STXBP5: variants seen among roughly 807,000 people sequenced by gnomAD.
The protein encoded by STXBP5 is syntaxin-binding protein 5.
Under a neutral mutation model 152.4 loss-of-function variants are expected in STXBP5, and 50 were observed. The ratio of observed to expected loss-of-function variants is 0.33; its 90% confidence interval spans 0.26 to 0.42. STXBP5 has a LOEUF of 0.42. Ranked by LOEUF, STXBP5 falls within the 10% of genes least tolerant of loss-of-function variation. STXBP5 has a pLI of 1.00. For synonymous variants in STXBP5, 492 were observed against 494.7 expected (o/e 0.99, Z 0.07); for missense variants, 1,167 against 1,388.6 (o/e 0.84, Z 2.54).
At chr6:147,306,388 G>A (rs1359074286) in intron 9 of STXBP5, among the ~76,000 whole-genome samples, 1 of 152,228 alleles carries the variant, frequency 6.6e-6, no homozygotes, top group Non-Finnish European at 1.5e-5. Context: ...GGGTGGCTGG[G>A]CTGGGAAAGG....
At chr6:147,210,341 C>G (rs1776783659) in intron 2 of STXBP5, among the ~76,000 whole-genome samples, 1 of 152,100 alleles carries the variant, frequency 6.6e-6, no homozygotes, top group African/African-American at 2.4e-5. Flanking sequence ...GGGAGAGTAG[C>G]CTAGACTTCT....
At chr6:147,246,645 G>T (rs1778822377) in intron 4 of STXBP5, among the ~76,000 whole-genome samples, 1 of 151,956 alleles carries the variant, frequency 6.6e-6, no homozygotes, top group Admixed American at 6.6e-5. Context: ...GTTTCTATAT[G>T]ACTTTTATTA....
chr6:147,242,680 G>C (rs1778609225), intron 4 of STXBP5, among the ~76,000 whole-genome samples: 1 of 152,134 alleles, frequency 6.6e-6, no homozygotes, highest in Non-Finnish European at 1.5e-5. Flanking sequence ...ATGCTTTCCA[G>C]GTTTGTAGCT....
chr6:147,282,989 AT>A (rs1322931253), intron 8 of STXBP5, among the ~76,000 whole-genome samples: 92 of 152,010 alleles, frequency 6.1e-4, no homozygotes, highest in African/African-American at 2.0e-3. Flanking sequence ...AAAAAAAAAA[AT>A]GTCATAATGT....
At chr6:147,315,823 A>C in intron 15 of STXBP5, 88 bp downstream of exon 15, 2 of 1,215,702 alleles carry the variant, frequency 1.6e-6, no homozygotes, top group Non-Finnish European at 2.4e-6. Flanking sequence ...TTTTGCAGTC[A>C]GTTTTGTGCA....
chr6:147,336,411 C>A (rs903902832), intron 19 of STXBP5, among the ~76,000 whole-genome samples: 3 of 151,780 alleles, frequency 2.0e-5, no homozygotes, highest in African/African-American at 7.3e-5. Context: ...TTTTAACCTT[C>A]ATTCCTGTTA....
intron 11 of STXBP5, among the ~76,000 whole-genome samples, chr6:147,311,844 A>G (rs1455535934): frequency 1.3e-5 from 2 of 152,104 alleles, no homozygotes; most frequent in Admixed American, 6.6e-5. Flanking sequence ...TTACCTCCAA[A>G]ATAAGCTATT....
chr6:147,270,330 C>T (rs890163513), intron 7 of STXBP5, among the ~76,000 whole-genome samples: 9 of 147,296 alleles, frequency 6.1e-5, no homozygotes, highest in African/African-American at 7.6e-5. Context: ...ACCTGGGAGA[C>T]GGAGCTTGCA....
At chr6:147,296,945 T>A (rs1781556287) in intron 9 of STXBP5, among the ~76,000 whole-genome samples, 1 of 152,084 alleles carries the variant, frequency 6.6e-6, no homozygotes, top group Non-Finnish European at 1.5e-5. Flanking sequence ...TAAAAAAGAA[T>A]GAAGCAAACC....
Position 147,271,789 on chromosome 6 carries a change from A to G in STXBP5, c.714+4622A>G, listed in dbSNP as rs892618470. The stretch of plus-strand genomic sequence containing the variant: ...CTGAAATAATAAAGAGCCGAAATCA[A>G]TGAAATAGCTAACAGAAAAATAGAG... On this transcript the variant is annotated intron_variant, in intron 7 of 27. Coordinates refer to ENST00000321680, the MANE Select transcript of STXBP5 (RefSeq NM_001127715.4). 1.6e-4 allele frequency among the ~76,000 whole-genome samples: 25 copies of G among 152,274 alleles called. 1 individual carries two copies. Among genetic ancestry groups the G allele is most frequent in the Admixed American group, 1.2e-3 (19 of 15,300 alleles).
chr6:147,284,060 A>G (rs1780833936), intron 8 of STXBP5, among the ~76,000 whole-genome samples: 3 of 152,202 alleles, frequency 2.0e-5, no homozygotes, highest in South Asian at 4.1e-4. Flanking sequence ...CAAATATGCA[A>G]ACTATTAGTT....
At chr6:147,372,601 AT>A (rs1187608571) in intron 25 of STXBP5, among the ~76,000 whole-genome samples, 1 of 150,878 alleles carries the variant, frequency 6.6e-6, no homozygotes, top group Non-Finnish European at 1.5e-5. Flanking sequence ...CGCCCTGCTA[AT>A]TTTTGTATTT....
At position 147,373,687 on chromosome 6, in the gene STXBP5, T is replaced by C. The variant is rs372176818; in HGVS notation, c.3082-44T>C. ...GATACTTTTGTTCATTATAGTTTAG[T>C]TTCCCTGAAATTTCAACAGTGACAA... On this transcript the variant is annotated intron_variant, in intron 25 of 27. Transcript: ENST00000321680. 3.1e-5 allele frequency: 45 copies of C among 1,444,512 alleles called. No individual in the cohort carries two copies. In the African/African-American group the frequency reaches 5.0e-4, roughly 16 times the overall value. The allele number at this position is 1,444,512 out of a possible 1,614,324, so 89.5% of individuals were successfully genotyped here.
At chr6:147,372,329 CT>C (rs1562274915) in intron 25 of STXBP5, among the ~76,000 whole-genome samples, 1 of 142,218 alleles carries the variant, frequency 7.0e-6, no homozygotes, top group Non-Finnish European at 1.5e-5. Context: ...AAAATACATA[CT>C]TTTATTCCAA....
intron 4 of STXBP5, among the ~76,000 whole-genome samples, chr6:147,244,987 CTTTTTTTTTTTTTT>C (rs57889304): frequency 1.2e-5 from 1 of 86,200 alleles, no homozygotes; most frequent in Non-Finnish European, 2.2e-5. Flanking sequence ...TGCTGAGCTG[CTTTTTTTTTTTTTT>C]TTTTTTTTTT....
intron 7 of STXBP5, among the ~76,000 whole-genome samples, chr6:147,271,781 C>T (rs919129987): frequency 1.3e-5 from 2 of 151,202 alleles, no homozygotes; most frequent in African/African-American, 4.9e-5. Flanking sequence ...AATAAAGAGC[C>T]GAAATCAATG....
At position 147,277,698 on chromosome 6, in the gene STXBP5, C is replaced by T. The variant is rs565644976; in HGVS notation, c.715-383C>T. On this transcript the variant is annotated intron_variant, in intron 7 of 27. Transcript: ENST00000321680. ...TCATGGTCAATTAACACATTTTATTCTAATCTTGTCATTGCAACTAGTTTT... is the reference window on the plus strand; with the variant it reads ...TCATGGTCAATTAACACATTTTATTTTAATCTTGTCATTGCAACTAGTTTT... 1.1e-3 allele frequency among the ~76,000 whole-genome samples: 173 copies of T among 152,166 alleles called. 1 individual carries two copies. The highest frequency in any genetic ancestry group is 4.1e-3 in the African/African-American group (170 of 41,546).
intron 25 of STXBP5, among the ~76,000 whole-genome samples, chr6:147,364,644 A>G (rs1384339087): frequency 1.3e-5 from 2 of 152,188 alleles, no homozygotes; most frequent in African/African-American, 2.4e-5. Context: ...TTGAGAGACT[A>G]TATACAAATT....
At chr6:147,229,889 T>C (rs373095464) in intron 2 of STXBP5, among the ~76,000 whole-genome samples, 3 of 152,038 alleles carry the variant, frequency 2.0e-5, no homozygotes, top group African/African-American at 4.8e-5. Flanking sequence ...TTAGATTCCA[T>C]GTTGAGTAGA....
Sources: allele counts gnomAD v4.1 joint callset (sites outside exome capture counted in the v4.1 genomes callset), GRCh38; gene constraint gnomAD v4.1.1; transcripts MANE v1.5; gene names NCBI Gene and HGNC (gene_info 2026-07-23, HGNC 2026-07-21).